SPATA6: variants seen among roughly 807,000 people sequenced by gnomAD.
SPATA6 encodes spermatogenesis-associated protein 6.
In SPATA6, 56 loss-of-function variants were observed where a neutral mutation model predicts 65.3. The ratio of observed to expected loss-of-function variants is 0.86; its 90% CI spans 0.69 to 1.07. SPATA6 has a LOEUF of 1.07. Ranked by LOEUF, SPATA6 falls within the 50% of genes least tolerant of loss-of-function variation. The pLI, the probability that SPATA6 is intolerant of heterozygous loss-of-function variation, is 0.00. For missense variants in SPATA6, 590 were observed against 594.8 expected (o/e 0.99, Z 0.08); for synonymous variants, 199 against 213.2 (o/e 0.93, Z 0.58).
chr1:48,303,476 C>G (rs983214628), intron 12 of SPATA6, among the ~76,000 whole-genome samples: 1 of 152,162 alleles, frequency 6.6e-6, no homozygotes, highest in African/African-American at 2.4e-5. Context: ...CTCTCCACTT[C>G]CATGAGATCA....
intron 11 of SPATA6, among the ~76,000 whole-genome samples, chr1:48,354,646 A>C (rs1175281944): frequency 1.3e-5 from 2 of 152,122 alleles, no homozygotes; most frequent in Non-Finnish European, 2.9e-5. Flanking sequence ...AACCAAAAAG[A>C]AACAGGAATA....
chr1:48,442,444 G>A (rs988042639), intron 3 of SPATA6, among the ~76,000 whole-genome samples: 2 of 151,798 alleles, frequency 1.3e-5, no homozygotes, highest in South Asian at 4.1e-4. Context: ...TTACACTGCC[G>A]AAGCCATCAA....
At chr1:48,272,939 T>C in the SPATA6 span, among the ~76,000 whole-genome samples, 2 of 152,122 alleles carry the variant, frequency 1.3e-5, no homozygotes, top group Non-Finnish European at 2.9e-5. Flanking sequence ...TCTTTTGAGG[T>C]CCTTTGTCCA....
intron 11 of SPATA6, among the ~76,000 whole-genome samples, chr1:48,321,259 A>G (rs1440450284): frequency 1.3e-5 from 2 of 152,110 alleles, no homozygotes; most frequent in African/African-American, 4.8e-5. Flanking sequence ...AACAACAATA[A>G]TCAACAATTT....
Position 48,386,247 on chromosome 1 carries a change from C to G in SPATA6, c.869-898G>C, listed in dbSNP as rs367714622. 2.0e-5 allele frequency among the ~76,000 whole-genome samples: 3 copies of G among 152,276 alleles called. No individual in the cohort carries two copies. The East Asian group carries it at 5.8e-4, about 29-fold the overall frequency. On this transcript the variant is annotated intron_variant, in intron 8 of 12. Coordinates refer to ENST00000371847, the MANE Select transcript of SPATA6 (RefSeq NM_019073.4). ...CACATAGTGGATTTTAAAACTAATTCTAAATTTATCCGTAAGATAATAACC... is the reference window on the plus strand; with the variant it reads ...CACATAGTGGATTTTAAAACTAATTGTAAATTTATCCGTAAGATAATAACC...
intron 1 of SPATA6, among the ~76,000 whole-genome samples, chr1:48,458,492 G>C (rs1034969394): frequency 6.6e-6 from 1 of 152,106 alleles, no homozygotes; most frequent in Admixed American, 6.5e-5. Flanking sequence ...AGAGTATCCA[G>C]GACTTCTTTT....
chr1:48,279,627 G>A, the SPATA6 span, among the ~76,000 whole-genome samples: 1 of 152,260 alleles, frequency 6.6e-6, no homozygotes, highest in Non-Finnish European at 1.5e-5. Flanking sequence ...AACAAGAAGA[G>A]CTAACTATCC....
At chr1:48,427,786 G>A (rs1040492769) in intron 3 of SPATA6, among the ~76,000 whole-genome samples, 2 of 152,118 alleles carry the variant, frequency 1.3e-5, no homozygotes, top group South Asian at 2.1e-4. Context: ...ATGATGCTGA[G>A]GTATGGGTTT....
At chr1:48,433,288 T>C (rs1322866191) in intron 3 of SPATA6, among the ~76,000 whole-genome samples, 1 of 152,150 alleles carries the variant, frequency 6.6e-6, no homozygotes, top group Non-Finnish European at 1.5e-5. Flanking sequence ...GTAAATTTCA[T>C]TATGTATGTT....
chr1:48,439,355 C>G (rs1655241801), intron 3 of SPATA6, among the ~76,000 whole-genome samples: 1 of 152,204 alleles, frequency 6.6e-6, no homozygotes, highest in South Asian at 2.1e-4. Context: ...GCAACTTTTC[C>G]AATCAGCAGG....
chr1:48,384,064 G>C (rs367874049), intron 9 of SPATA6, among the ~76,000 whole-genome samples: 251 of 151,064 alleles, frequency 1.7e-3, no homozygotes, highest in African/African-American at 5.4e-3. Context: ...CTGAGTGAAC[G>C]AGACTCCATC....
At chr1:48,308,489 G>A (rs931415995) in intron 11 of SPATA6, among the ~76,000 whole-genome samples, 1 of 152,008 alleles carries the variant, frequency 6.6e-6, no homozygotes, top group African/African-American at 2.4e-5. Context: ...AAGAGTTACT[G>A]GCAAAAACTG....
At chr1:48,309,971 T>G (rs1344568971) in intron 11 of SPATA6, among the ~76,000 whole-genome samples, 1 of 152,184 alleles carries the variant, frequency 6.6e-6, no homozygotes, top group East Asian at 1.9e-4. Flanking sequence ...CTAAGGGCCT[T>G]CTTGTCTTTT....
rs778276216 is a variant in SPATA6, at chr1:48,453,174, TC to T, written c.52-44del. On this transcript the variant is annotated intron_variant, in intron 1 of 12. Transcript: ENST00000371847. ...AAATGGATGTAACTGCTTTATAAAT[TC>T]CCTGAACTATCCTACTAAAATAACT... The T allele has an allele frequency of 3.8e-6, 6 of 1,583,170 alleles. No individual in the cohort carries two copies. In the South Asian group the frequency reaches 7.0e-5, roughly 18 times the overall value.
At chr1:48,337,097 G>A (rs1183599678) in intron 11 of SPATA6, among the ~76,000 whole-genome samples, 3 of 151,820 alleles carry the variant, frequency 2.0e-5, no homozygotes, top group African/African-American at 7.2e-5. Flanking sequence ...TTACAAGAAA[G>A]GAAACTTGCA....
chr1:48,470,880 A>G (rs1386400020), intron 1 of SPATA6, among the ~76,000 whole-genome samples: 1 of 152,084 alleles, frequency 6.6e-6, no homozygotes, highest in African/African-American at 2.4e-5. Flanking sequence ...AAGGCAATAT[A>G]CATAAGAAGA....
chr1:48,283,835 G>A, the SPATA6 span, among the ~76,000 whole-genome samples: 5 of 152,048 alleles, frequency 3.3e-5, no homozygotes, highest in East Asian at 1.9e-4. Context: ...TGGGTAACCC[G>A]ACCTTTCTCT....
At chr1:48,365,267 G>A (rs375565143) in intron 9 of SPATA6, among the ~76,000 whole-genome samples, 2 of 152,264 alleles carry the variant, frequency 1.3e-5, no homozygotes, top group South Asian at 2.1e-4. Context: ...GCTTAGGATT[G>A]ACTTGGCGAT....
At chr1:48,463,023 T>G (rs1034141137) in intron 1 of SPATA6, among the ~76,000 whole-genome samples, 1 of 152,266 alleles carries the variant, frequency 6.6e-6, no homozygotes, top group Non-Finnish European at 1.5e-5. Context: ...TTTCCTGCCC[T>G]GGGATAACAG....
Sources: allele counts gnomAD v4.1 joint callset (sites outside exome capture counted in the v4.1 genomes callset), GRCh38; gene constraint gnomAD v4.1.1; transcripts MANE v1.5; gene names NCBI Gene and HGNC (gene_info 2026-07-23, HGNC 2026-07-21).